The following SH3PXD2A variants were observed in gnomAD, a reference collection of about 807,000 sequenced individuals.
SH3PXD2A encodes the protein SH3 and PX domains 2A, also known as SH3 and PX domain-containing protein 2A.
SH3PXD2A carries 32 observed loss-of-function variants against 115.2 expected under a neutral mutation model. The observed-to-expected ratio is 0.28, with a 90% CI of 0.21 to 0.37. SH3PXD2A has a LOEUF of 0.37. Ranked by LOEUF, SH3PXD2A falls within the 10% of genes least tolerant of loss-of-function variation. SH3PXD2A has a pLI of 1.00. For synonymous variants in SH3PXD2A, 610 were observed against 629.1 expected (o/e 0.97, Z 0.45); for missense variants, 1,328 against 1,498.7 (o/e 0.89, Z 1.88).
chr10:103,769,134 C>CTGTG lies in SH3PXD2A; in HGVS notation c.154-1969_154-1966dup, dbSNP rs67426639. 3.5e-3 allele frequency among the ~76,000 whole-genome samples: 496 copies of CTGTG among 141,988 alleles called. 3 individuals are homozygous for CTGTG. Among genetic ancestry groups the CTGTG allele is most frequent in the Middle Eastern group, 0.018 (5 of 282 alleles). The allele number at this position is 141,988 out of a possible 152,430, so 93.1% of individuals were successfully genotyped here. A position where few individuals can be genotyped will look rare whatever the true frequency, so the allele number is the denominator to read the frequency against. The stretch of plus-strand genomic sequence containing the variant: ...CTATAGCATGGTTCTAGGCTAGACT[C>CTGTG]TGTGTGTGTGTGTGTGTGTGTGTGT... On this transcript the variant is annotated intron_variant, in intron 2 of 14. Transcript: ENST00000369774.
chr10:103,764,862 C>A (rs1415446216), intron 3 of SH3PXD2A, among the ~76,000 whole-genome samples: 2 of 152,096 alleles, frequency 1.3e-5, no homozygotes, highest in African/African-American at 4.8e-5. Flanking sequence ...CCTCCCTTGG[C>A]CTCAGTTTCC....
chr10:103,683,087 T>C (rs2037631836), intron 6 of SH3PXD2A, among the ~76,000 whole-genome samples: 1 of 152,034 alleles, frequency 6.6e-6, no homozygotes, highest in Non-Finnish European at 1.5e-5. Flanking sequence ...AGGCCAGGTG[T>C]GGTGGCTCAC....
chr10:103,722,314 A>AG (rs1387186935), intron 5 of SH3PXD2A, among the ~76,000 whole-genome samples: 1 of 151,410 alleles, frequency 6.6e-6, no homozygotes, highest in African/African-American at 2.4e-5. Context: ...AAAAAAAAAA[A>AG]AAAAAAGAAT....
chr10:103,667,430 A>G (rs2037397995), intron 7 of SH3PXD2A, among the ~76,000 whole-genome samples: 1 of 152,200 alleles, frequency 6.6e-6, no homozygotes, highest in East Asian at 1.9e-4. Flanking sequence ...AATAAAATGT[A>G]TTGCTGTGGG....
At position 103,617,187 on chromosome 10, in the gene SH3PXD2A, G is replaced by T. The variant is rs200820792; in HGVS notation, c.920+10C>A. ...AGAGGCATCTCGTTCATAATGTAAG[G>T]GTTCCCTACCTGATATACCACCAGC... On this transcript the variant is annotated intron_variant, in intron 11 of 14. Transcript: ENST00000369774. The T allele has an allele frequency of 9.4e-6, 15 of 1,595,112 alleles. No individual in the cohort carries two copies. In the African/African-American group the frequency reaches 1.7e-4, roughly 19 times the overall value.
At chr10:103,632,816 A>G (rs1017363022) in intron 8 of SH3PXD2A, among the ~76,000 whole-genome samples, 3 of 150,508 alleles carry the variant, frequency 2.0e-5, no homozygotes, top group African/African-American at 4.9e-5. Flanking sequence ...TCTACTAAAA[A>G]TACAAAAATT....
rs2036585463 is a variant in SH3PXD2A at position 103,620,446 on chromosome 10, C to T, written c.802+2024G>A. On this transcript the variant is annotated intron_variant, in intron 10 of 14. Transcript: ENST00000369774. The surrounding 1 kb of genome is among the most constrained non-coding windows in gnomAD (Gnocchi z 5.3). ...CTGTCAGCAGTCTCCCCACTCCCTT[C>T]CTGCCCCCACGACTTACCCAACCCC... is the stretch of plus-strand genomic sequence containing the variant. Among the ~76,000 whole-genome samples, 1 of 152,236 alleles carries T rather than the reference C, an allele frequency of 6.6e-6. No homozygotes were observed. The highest frequency in any genetic ancestry group is 2.4e-5 in the African/African-American group (1 of 41,456).
At chr10:103,817,510 T>C (rs2039336780) in intron 1 of SH3PXD2A, among the ~76,000 whole-genome samples, 1 of 152,104 alleles carries the variant, frequency 6.6e-6, no homozygotes, top group Non-Finnish European at 1.5e-5. Context: ...CTGGCTAATT[T>C]TTGTATTTTT....
chr10:103,760,875 TA>T (rs2038693184), intron 3 of SH3PXD2A, among the ~76,000 whole-genome samples: 1 of 152,202 alleles, frequency 6.6e-6, no homozygotes, highest in African/African-American at 2.4e-5. Flanking sequence ...CTTAAAAGAA[TA>T]TTTTTTTTAA....
chr10:103,620,175 G>A lies in SH3PXD2A; in HGVS notation c.802+2295C>T, dbSNP rs561821553. On this transcript the variant is annotated intron_variant, in intron 10 of 14. Transcript: ENST00000369774. This position sits in a 1 kb window ranked among gnomAD's most constrained non-coding sequence, Gnocchi z 5.3. ...GGGTCTTGGGAAGAGATGTCCCGTC[G>A]GAAATGGGGTTGAGGGAAGGGAGGC... Among the ~76,000 whole-genome samples, 5 of 152,282 alleles carry A rather than the reference G, an allele frequency of 3.3e-5. No homozygotes were observed. The highest frequency in any genetic ancestry group is 2.1e-4 in the South Asian group (1 of 4,812).
chr10:103,838,840 T>C (rs1182942447), intron 1 of SH3PXD2A, among the ~76,000 whole-genome samples: 1 of 152,174 alleles, frequency 6.6e-6, no homozygotes, highest in Non-Finnish European at 1.5e-5. Flanking sequence ...TCCATTTGGA[T>C]GTTCTAATGG....
At position 103,602,575 on chromosome 10, in the gene SH3PXD2A, C is replaced by T. The variant is rs200514476; in HGVS notation, c.2643G>A (p.Arg881=). The change falls in exon 15 of 15, where the codon AGG becomes AGA. Residue 881 remains arginine (R), a synonymous_variant. Transcript: ENST00000369774. ...EKQESGWWYV[R]FGELEGWAPS... is the part of the protein sequence containing the mutation. ...GGGCCCAGCCCTCCAGCTCCCCAAA[C>T]CTCACATACCACCACCCGCTCTCCT... The T allele has an allele frequency of 6.2e-7, 1 of 1,614,220 alleles. No homozygotes were observed.
chr10:103,605,647 A>C, intron 14 of SH3PXD2A, 151 bp downstream of exon 14: 1 of 922,044 alleles, frequency 1.1e-6, no homozygotes, highest in Non-Finnish European at 1.7e-6. Context: ...GGCCAGCGCC[A>C]GGCAGATGCT....
chr10:103,735,910 T>C (rs1030080348), intron 3 of SH3PXD2A, 102 bp from the exon 4 acceptor site: 1 of 885,846 alleles, frequency 1.1e-6, no homozygotes, highest in African/African-American at 1.6e-5. Context: ...AGTCCAGCAC[T>C]ACCTGCCACC....
chr10:103,749,445 C>T (rs1286153436), intron 3 of SH3PXD2A, among the ~76,000 whole-genome samples: 1 of 152,222 alleles, frequency 6.6e-6, no homozygotes, highest in African/African-American at 2.4e-5. Flanking sequence ...TACAGACAGC[C>T]TAGCAAACGT....
chr10:103,638,219 G>A (rs2036895975), intron 8 of SH3PXD2A, among the ~76,000 whole-genome samples: 1 of 152,146 alleles, frequency 6.6e-6, no homozygotes, highest in Non-Finnish European at 1.5e-5. Flanking sequence ...AGGCCACCAG[G>A]GACCCAGAAC....
intron 2 of SH3PXD2A, 81 bp downstream of exon 2, chr10:103,801,201 G>A (rs2039143443): frequency 2.4e-6 from 2 of 824,574 alleles, no homozygotes; most frequent in Admixed American, 1.9e-5. Context: ...TCTCTTGGGG[G>A]CTCCCTGGAT....
intron 3 of SH3PXD2A, chr10:103,754,230 A>C (rs1354919130): frequency 6.6e-6 from 1 of 152,156 alleles, no homozygotes; most frequent in Non-Finnish European, 1.5e-5. Context: ...GTTTAGAGAC[A>C]GGGTCGCACT....
At chr10:103,844,569 T>C (rs2864002) in intron 1 of SH3PXD2A, among the ~76,000 whole-genome samples, 151,891 of 152,322 alleles carry the variant, frequency 1, 75,738 homozygotes, top group Middle Eastern at 1. Context: ...AAGTTCCCCA[T>C]GAGGAGCACC....
Sources: gnomAD v4.1 joint callset for allele counts (sites outside exome capture counted in the v4.1 genomes callset) on GRCh38, gnomAD v4.1.1 for gene constraint, Gnocchi (gnomAD v3.1) non-coding constraint, MANE v1.5 for transcripts, NCBI Gene and HGNC (gene_info 2026-07-23, HGNC 2026-07-21) for gene names.